RIMS1: variants seen among roughly 807,000 people sequenced by gnomAD.
The protein encoded by RIMS1 is regulating synaptic membrane exocytosis 1.
RIMS1 carries 83 observed loss-of-function variants against 214.1 expected under a neutral mutation model. That is an observed-to-expected ratio of 0.39 (90% CI 0.32 to 0.47). RIMS1 has a LOEUF of 0.47. Ranked by LOEUF, RIMS1 falls within the 20% of genes least tolerant of loss-of-function variation. The pLI, the probability that RIMS1 is intolerant of heterozygous loss-of-function variation, is 0.99. For missense variants in RIMS1, 2,050 were observed against 2,161.8 expected (o/e 0.95, Z 1.03); for synonymous variants, 793 against 786.8 (o/e 1.01, Z -0.13).
intron 16 of RIMS1, among the ~76,000 whole-genome samples, chr6:72,256,114 G>T (rs1255639794): frequency 6.6e-6 from 1 of 151,070 alleles, no homozygotes; most frequent in Non-Finnish European, 1.5e-5. Context: ...ATAATGTGAA[G>T]AAAATCAAAT....
chr6:72,284,938 A>G (rs763841447), intron 24 of RIMS1, among the ~76,000 whole-genome samples: 2 of 152,196 alleles, frequency 1.3e-5, no homozygotes, highest in African/African-American at 2.4e-5. Flanking sequence ...AAATCCAGAT[A>G]CATAAAAGTA....
intron 29 of RIMS1, among the ~76,000 whole-genome samples, chr6:72,385,464 T>C (rs892979894): frequency 2.6e-5 from 4 of 152,202 alleles, no homozygotes; most frequent in Non-Finnish European, 5.9e-5. Flanking sequence ...AAAATACCTG[T>C]GTAGATAACC....
chr6:72,376,705 T>C (rs1007156006), intron 29 of RIMS1, among the ~76,000 whole-genome samples: 1 of 149,642 alleles, frequency 6.7e-6, no homozygotes, highest in African/African-American at 2.5e-5. Flanking sequence ...CAAAATCACA[T>C]CATTGCACTC....
At chr6:72,348,348 A>G (rs993211539) in intron 29 of RIMS1, among the ~76,000 whole-genome samples, 2 of 151,866 alleles carry the variant, frequency 1.3e-5, no homozygotes, top group Non-Finnish European at 2.9e-5. Flanking sequence ...ATTTTGGTAT[A>G]CATGGTGGTC....
chr6:72,187,509 C>T (rs2463725), intron 6 of RIMS1, among the ~76,000 whole-genome samples: 72,463 of 137,314 alleles, frequency 0.53, 20,418 homozygotes, highest in East Asian at 0.82. Flanking sequence ...GACAGAGTCT[C>T]GGTCTGTCAC....
At chr6:72,144,068 A>C (rs1158246895) in intron 4 of RIMS1, among the ~76,000 whole-genome samples, 3 of 152,192 alleles carry the variant, frequency 2.0e-5, no homozygotes, top group African/African-American at 7.2e-5. Context: ...CCACTATAGC[A>C]GCGAACGCAG....
intron 1 of RIMS1, among the ~76,000 whole-genome samples, chr6:71,929,236 G>A (rs760433385): frequency 2.0e-5 from 3 of 152,124 alleles, no homozygotes; most frequent in Non-Finnish European, 4.4e-5. Flanking sequence ...CCTAGGGTCA[G>A]GTATAGAGCC....
Position 72,096,824 on chromosome 6 carries a change from G to A in RIMS1, c.246-125G>A, listed in dbSNP as rs565155109. The A allele has an allele frequency of 1.0e-5, 8 of 764,446 alleles. No individual in the cohort carries two copies. In the South Asian group the frequency reaches 1.2e-4, roughly 11 times the overall value. 47.4% of individuals were successfully genotyped at this position (764,446 alleles called of 1,614,324 possible). On this transcript the variant is annotated intron_variant, in intron 2 of 33. Transcript: ENST00000521978. The stretch of plus-strand genomic sequence containing the variant: ...TAAGGTTAGTGGGGAAAATAGTTTT[G>A]TATGTTTTGCTTTAGTTCAAAGAGC...
Position 72,124,001 on chromosome 6 carries a change from T to G in RIMS1, c.471+24015T>G, listed in dbSNP as rs529654520. Among the ~76,000 whole-genome samples, 254 of 151,862 alleles carry G rather than the reference T, an allele frequency of 1.7e-3. 6 individuals carry two copies. Among genetic ancestry groups the G allele is most frequent in the Non-Finnish European group, 1.7e-3 (115 of 67,866 alleles). The stretch of plus-strand genomic sequence containing the variant: ...AAGGTTAATATTGTTATGTGTGAAT[T>G]TGATCCTGTCATTATGATGTTAGCT... On this transcript the variant is annotated intron_variant, in intron 4 of 33. Transcript: ENST00000521978.
chr6:72,168,883 C>T (rs2046645200), intron 4 of RIMS1, among the ~76,000 whole-genome samples: 1 of 152,084 alleles, frequency 6.6e-6, no homozygotes, highest in South Asian at 2.1e-4. Flanking sequence ...CTGCCCTGCT[C>T]ATGTCTGTCT....
At chr6:71,975,502 A>G (rs531783272) in intron 2 of RIMS1, among the ~76,000 whole-genome samples, 6 of 152,184 alleles carry the variant, frequency 3.9e-5, no homozygotes, top group Non-Finnish European at 8.8e-5. Flanking sequence ...AAATTGAATC[A>G]TGGTACATGA....
chr6:72,132,805 G>T (rs2040647777), intron 4 of RIMS1, among the ~76,000 whole-genome samples: 1 of 152,158 alleles, frequency 6.6e-6, no homozygotes, highest in Non-Finnish European at 1.5e-5. Flanking sequence ...GTTTAGTAAT[G>T]AAGTAATATC....
intron 2 of RIMS1, among the ~76,000 whole-genome samples, chr6:72,014,056 C>G (rs1042422282): frequency 6.6e-6 from 1 of 152,128 alleles, no homozygotes; most frequent in East Asian, 1.9e-4. Flanking sequence ...AAGACATACT[C>G]GAGACTGGGT....
intron 4 of RIMS1, among the ~76,000 whole-genome samples, chr6:72,111,469 C>T (rs2036068123): frequency 6.6e-6 from 1 of 152,030 alleles, no homozygotes; most frequent in Non-Finnish European, 1.5e-5. Flanking sequence ...ATATGAATTG[C>T]AGTTTTCTTT....
At chr6:71,892,535 C>G (rs1324946573) in intron 1 of RIMS1, among the ~76,000 whole-genome samples, 6 of 152,066 alleles carry the variant, frequency 3.9e-5, no homozygotes, top group South Asian at 4.1e-4. Context: ...GTTCTGGCCC[C>G]AGGTGACTCT....
chr6:72,006,901 G>A (rs933979787), intron 2 of RIMS1, among the ~76,000 whole-genome samples: 1 of 152,232 alleles, frequency 6.6e-6, no homozygotes, highest in Non-Finnish European at 1.5e-5. Context: ...TCTGGGGGCA[G>A]GGCATAGCCA....
intron 2 of RIMS1, among the ~76,000 whole-genome samples, chr6:72,011,551 A>C (rs1308945429): frequency 3.3e-5 from 5 of 152,184 alleles, no homozygotes; most frequent in Admixed American, 2.0e-4. Flanking sequence ...CAACCTACAA[A>C]ATCGGAGAAA....
intron 4 of RIMS1, among the ~76,000 whole-genome samples, chr6:72,140,498 A>G (rs2041954688): frequency 6.6e-6 from 1 of 152,102 alleles, no homozygotes; most frequent in African/African-American, 2.4e-5. Flanking sequence ...TGTCCCTGTC[A>G]TACAGTATGA....
In RIMS1 at chr6:71,950,381, A is replaced by T. The variant is rs187356981; in HGVS notation, c.165-18602A>T. Among the ~76,000 whole-genome samples the T allele has an allele frequency of 2.4e-3, 364 of 152,284 alleles. 2 individuals are homozygous for T. Among genetic ancestry groups the T allele is most frequent in the Admixed American group, 7.8e-3 (119 of 15,278 alleles). On this transcript the variant is annotated intron_variant, in intron 1 of 33. Coordinates refer to ENST00000521978, the MANE Select transcript of RIMS1 (RefSeq NM_014989.7). Reference sequence around the variant, plus strand: ...GTATAGATTTTACCTTAATCTGAAAAAAAAAGCAGTTATAATGGAAACCTC... The same window carrying T: ...GTATAGATTTTACCTTAATCTGAAATAAAAAGCAGTTATAATGGAAACCTC...
Sources: allele counts gnomAD v4.1 joint callset (sites outside exome capture counted in the v4.1 genomes callset), GRCh38; gene constraint gnomAD v4.1.1; transcripts MANE v1.5; gene names NCBI Gene and HGNC (gene_info 2026-07-23, HGNC 2026-07-21).